TSPAN5: variants seen among roughly 807,000 people sequenced by gnomAD.
TSPAN5 encodes the protein tetraspanin 5, also known as tetraspanin-5.
In TSPAN5, 10 loss-of-function variants were observed where a neutral mutation model predicts 37.1. The observed-to-expected ratio is 0.27, with a 90% CI of 0.17 to 0.46. TSPAN5 has a LOEUF of 0.46. Among genes scored for constraint, TSPAN5 ranks in the 20% least tolerant of loss-of-function variants. The pLI is 1.00. For missense variants in TSPAN5, 195 were observed against 326.6 expected, an observed-to-expected ratio of 0.60 and a Z score of 3.11; for synonymous variants, 110 against 118.9, an observed-to-expected ratio of 0.93 and a Z score of 0.48.
chr4:98,492,251 C>A (rs892790049), intron 2 of TSPAN5, among the ~76,000 whole-genome samples: 1 of 152,134 alleles, frequency 6.6e-6, no homozygotes, highest in Non-Finnish European at 1.5e-5. Flanking sequence ...AACTCCAGAG[C>A]CTTGTGAAGC....
chr4:98,641,812 G>A (rs1756966257), intron 1 of TSPAN5, among the ~76,000 whole-genome samples: 1 of 152,180 alleles, frequency 6.6e-6, no homozygotes, highest in Non-Finnish European at 1.5e-5. Flanking sequence ...CCTACACAGT[G>A]ATACCAAGAA....
At chr4:98,555,610 G>C (rs1010292704) in intron 1 of TSPAN5, among the ~76,000 whole-genome samples, 31 of 151,926 alleles carry the variant, frequency 2.0e-4, no homozygotes, top group African/African-American at 7.0e-4. Flanking sequence ...ACAGTGCCTT[G>C]AATACAGAAG....
intron 1 of TSPAN5, among the ~76,000 whole-genome samples, chr4:98,608,075 A>G (rs1560557226): frequency 6.6e-6 from 1 of 152,232 alleles, no homozygotes; most frequent in Non-Finnish European, 1.5e-5. Flanking sequence ...TTCTCAAAAA[A>G]TAAGTTTAAT....
intron 1 of TSPAN5, among the ~76,000 whole-genome samples, chr4:98,557,045 C>T (rs1754765599): frequency 6.6e-6 from 1 of 152,102 alleles, no homozygotes; most frequent in South Asian, 2.1e-4. Context: ...GTAGTTTAAA[C>T]ATTGACTAAA....
intron 1 of TSPAN5, among the ~76,000 whole-genome samples, chr4:98,606,948 G>A (rs1450133038): frequency 1.3e-5 from 2 of 152,130 alleles, no homozygotes; most frequent in African/African-American, 2.4e-5. Flanking sequence ...AGGTGCAGAC[G>A]GATGGCTGCA....
intron 1 of TSPAN5, among the ~76,000 whole-genome samples, chr4:98,541,609 A>G (rs1001666404): frequency 1.0e-4 from 14 of 134,114 alleles, no homozygotes; most frequent in Non-Finnish European, 2.0e-4. Flanking sequence ...CAGGAGGGGG[A>G]GGGTGCAGTG....
At position 98,658,284 on chromosome 4, in the gene TSPAN5, C is replaced by T; in HGVS notation, c.-58G>A. The T allele has an allele frequency of 7.0e-7, 1 of 1,418,448 alleles. No individual in the cohort carries two copies. Among genetic ancestry groups the T allele is most frequent in the Non-Finnish European group, 1.0e-6 (1 of 1,001,848 alleles). 87.9% of individuals were successfully genotyped at this position (1,418,448 alleles called of 1,614,324 possible). A position where few individuals can be genotyped will look rare whatever the true frequency, so the allele number is the denominator to read the frequency against. On this transcript the variant is annotated 5_prime_UTR_variant, in exon 1 of 8. Transcript: ENST00000305798. ...GCCCGAGTTTGGAGCTCCGAAGCAC[C>T]GTTGCTCGGAGCAGCCCGGCGGGGA...
intron 2 of TSPAN5, among the ~76,000 whole-genome samples, chr4:98,497,716 T>C (rs374051465): frequency 1.9e-4 from 1 of 5,188 alleles, no homozygotes; most frequent in Non-Finnish European, 3.6e-4. Context: ...AGTCAAGGGT[T>C]ATTTCTAGCA....
At chr4:98,501,930 G>T (rs184528100) in intron 2 of TSPAN5, among the ~76,000 whole-genome samples, 2 of 152,334 alleles carry the variant, frequency 1.3e-5, no homozygotes, top group African/African-American at 4.8e-5. Flanking sequence ...ATAATTGGAG[G>T]CTTCTGCACA....
At chr4:98,595,699 T>TAGTC (rs1422101086) in intron 1 of TSPAN5, among the ~76,000 whole-genome samples, 1 of 122,696 alleles carries the variant, frequency 8.2e-6, no homozygotes, top group African/African-American at 3.9e-5. Context: ...ATGTACCCAG[T>TAGTC]AGTCATTCAG....
intron 4 of TSPAN5, among the ~76,000 whole-genome samples, chr4:98,480,413 A>T (rs150161114): frequency 1.3e-5 from 2 of 152,358 alleles, no homozygotes; most frequent in East Asian, 1.9e-4. Context: ...CAATTAAAAT[A>T]TATTAAAACA....
intron 1 of TSPAN5, among the ~76,000 whole-genome samples, chr4:98,547,744 C>T (rs1237657029): frequency 1.3e-5 from 2 of 152,042 alleles, no homozygotes; most frequent in Non-Finnish European, 1.5e-5. Context: ...TGGTGGCTCA[C>T]GCCTGTAATC....
At chr4:98,506,602 A>G (rs1753482743) in intron 2 of TSPAN5, among the ~76,000 whole-genome samples, 2 of 152,058 alleles carry the variant, frequency 1.3e-5, no homozygotes, top group African/African-American at 4.8e-5. Flanking sequence ...TGTTGACTGG[A>G]CCTTCCCAGT....
chr4:98,480,913 C>T (rs1752825083), intron 4 of TSPAN5, among the ~76,000 whole-genome samples: 1 of 152,242 alleles, frequency 6.6e-6, no homozygotes, highest in Non-Finnish European at 1.5e-5. Context: ...CCTGCTCAGT[C>T]CTGAGTGCCT....
chr4:98,627,489 A>C (rs1381688003), intron 1 of TSPAN5, among the ~76,000 whole-genome samples: 1 of 152,172 alleles, frequency 6.6e-6, no homozygotes, highest in African/African-American at 2.4e-5. Context: ...TAAAATGCCC[A>C]CTGAATAAAA....
intron 1 of TSPAN5, among the ~76,000 whole-genome samples, chr4:98,578,511 C>T (rs1173221902): frequency 1.3e-5 from 2 of 152,078 alleles, no homozygotes; most frequent in African/African-American, 4.8e-5. Flanking sequence ...CTGCAACCTC[C>T]GTCTCCTGGG....
At chr4:98,632,765 GGGTTAAC>G (rs1206056917) in intron 1 of TSPAN5, among the ~76,000 whole-genome samples, 2 of 152,184 alleles carry the variant, frequency 1.3e-5, no homozygotes, top group Admixed American at 1.3e-4. Flanking sequence ...AATATTCCAA[GGGTTAAC>G]TTGACTGGGG....
intron 1 of TSPAN5, among the ~76,000 whole-genome samples, chr4:98,523,266 C>T (rs1010518195): frequency 6.6e-5 from 10 of 152,112 alleles, no homozygotes; most frequent in African/African-American, 1.2e-4. Context: ...TGTGAATAAG[C>T]GTCCCTTATT....
At chr4:98,494,650 A>T (rs1314202611) in intron 2 of TSPAN5, among the ~76,000 whole-genome samples, 1 of 152,030 alleles carries the variant, frequency 6.6e-6, no homozygotes, top group Non-Finnish European at 1.5e-5. Context: ...AATCACTGTT[A>T]TCACTATTAT....
Sources: gnomAD v4.1 joint callset for allele counts (sites outside exome capture counted in the v4.1 genomes callset) on GRCh38, gnomAD v4.1.1 for gene constraint, MANE v1.5 for transcripts, NCBI Gene and HGNC (gene_info 2026-07-23, HGNC 2026-07-21) for gene names.